EXT1: variants seen among roughly 807,000 people sequenced by gnomAD.
EXT1 encodes the protein exostosin-1.
EXT1 carries 20 observed loss-of-function variants against 82.5 expected under a neutral mutation model. The observed-to-expected ratio is 0.24, with a 90% CI of 0.17 to 0.35. EXT1 has a LOEUF of 0.35. Ranked by LOEUF, EXT1 falls within the 10% of genes least tolerant of loss-of-function variation. The pLI is 1.00. For missense variants in EXT1, 757 were observed against 936.5 expected (o/e 0.81, Z 2.50); for synonymous variants, 348 against 350.8 (o/e 0.99, Z 0.09).
At chr8:118,005,010 T>G (rs151082984) in intron 1 of EXT1, among the ~76,000 whole-genome samples, 3 of 152,158 alleles carry the variant, frequency 2.0e-5, no homozygotes, top group African/African-American at 4.8e-5. Context: ...TGGAAAATGA[T>G]GTTATCATCC....
chr8:117,832,327 C>T (rs916733730), intron 3 of EXT1, among the ~76,000 whole-genome samples: 6 of 151,974 alleles, frequency 3.9e-5, no homozygotes, highest in Non-Finnish European at 5.9e-5. Flanking sequence ...AGTTCAAGAC[C>T]GGCCTGGCCA....
intron 1 of EXT1, among the ~76,000 whole-genome samples, chr8:117,889,731 T>C (rs896915217): frequency 1.3e-5 from 2 of 152,262 alleles, no homozygotes; most frequent in East Asian, 3.9e-4. Flanking sequence ...GAAAACAGTA[T>C]CCAAAAATTA....
Position 117,897,859 on chromosome 8 carries a change from T to G in EXT1, c.963-60658A>C, listed in dbSNP as rs1202095227. The stretch of plus-strand genomic sequence containing the variant: ...CTCAAGCGATCTGCCCTCCTCAGCC[T>G]CCCAAAACGGTCGGATTATAGGCGT... On this transcript the variant is annotated intron_variant, in intron 1 of 10. Coordinates refer to ENST00000378204, the MANE Select transcript of EXT1 (RefSeq NM_000127.3). Among the ~76,000 whole-genome samples the G allele has an allele frequency of 2.0e-5, 3 of 151,904 alleles. No homozygotes were observed. In the East Asian group the frequency reaches 5.8e-4, roughly 29 times the overall value.
intron 1 of EXT1, among the ~76,000 whole-genome samples, chr8:118,072,400 A>G (rs1401702858): frequency 6.6e-6 from 1 of 152,200 alleles, no homozygotes; most frequent in East Asian, 1.9e-4. Context: ...ATAGCACATA[A>G]TCTGCTCTAC....
intron 1 of EXT1, among the ~76,000 whole-genome samples, chr8:118,098,965 T>C (rs2130017125): frequency 6.6e-6 from 1 of 151,106 alleles, no homozygotes. Flanking sequence ...GGTAGACAAG[T>C]TTTCAAATGG....
At chr8:117,848,410 C>A (rs1001045634) in intron 1 of EXT1, among the ~76,000 whole-genome samples, 2 of 152,186 alleles carry the variant, frequency 1.3e-5, no homozygotes, top group African/African-American at 4.8e-5. Context: ...TCCTCCTCCT[C>A]CAGCTGGCCA....
At chr8:118,089,476 CTA>C (rs1817484395) in intron 1 of EXT1, among the ~76,000 whole-genome samples, 1 of 152,152 alleles carries the variant, frequency 6.6e-6, no homozygotes, top group African/African-American at 2.4e-5. Flanking sequence ...AAGAGTATAT[CTA>C]TGCCATGATC....
chr8:117,803,036 A>G (rs543376446), intron 10 of EXT1, among the ~76,000 whole-genome samples: 2 of 152,310 alleles, frequency 1.3e-5, no homozygotes, highest in African/African-American at 2.4e-5. Context: ...ATGTTTTCCA[A>G]TGCCTGTGAG....
At chr8:117,959,660 G>A (rs1563613484) in intron 1 of EXT1, among the ~76,000 whole-genome samples, 1 of 152,202 alleles carries the variant, frequency 6.6e-6, no homozygotes, top group African/African-American at 2.4e-5. Context: ...ACACGTTTGT[G>A]TGATTACACA....
At chr8:117,908,962 T>A (rs1284251368) in intron 1 of EXT1, among the ~76,000 whole-genome samples, 2 of 151,542 alleles carry the variant, frequency 1.3e-5, no homozygotes, top group Non-Finnish European at 2.9e-5. Flanking sequence ...CGAAACCTCA[T>A]CTCTACTAAA....
At chr8:117,991,102 C>A (rs1017856008) in intron 1 of EXT1, among the ~76,000 whole-genome samples, 2 of 151,034 alleles carry the variant, frequency 1.3e-5, no homozygotes, top group Admixed American at 6.6e-5. Flanking sequence ...GTTCTCCAGA[C>A]TTCGATGTCT....
intron 1 of EXT1, among the ~76,000 whole-genome samples, chr8:118,062,859 T>C (rs770710579): frequency 2.0e-5 from 3 of 152,194 alleles, no homozygotes; most frequent in Middle Eastern, 3.2e-3. Flanking sequence ...TAATTTATTC[T>C]GTTTAATGTG....
intron 1 of EXT1, among the ~76,000 whole-genome samples, chr8:117,864,604 C>T (rs1022830685): frequency 6.6e-6 from 1 of 152,010 alleles, no homozygotes; most frequent in Non-Finnish European, 1.5e-5. Flanking sequence ...AAAAAATTAG[C>T]GGGGCATGGT....
At chr8:117,860,439 C>T (rs373062243) in intron 1 of EXT1, among the ~76,000 whole-genome samples, 1 of 152,268 alleles carries the variant, frequency 6.6e-6, no homozygotes, top group African/African-American at 2.4e-5. Flanking sequence ...AAACTGAAAG[C>T]CCAGCCTTCG....
At chr8:117,921,264 C>T (rs897598518) in intron 1 of EXT1, among the ~76,000 whole-genome samples, 1 of 152,094 alleles carries the variant, frequency 6.6e-6, no homozygotes, top group African/African-American at 2.4e-5. Flanking sequence ...AACAGGTGCT[C>T]CTTTTATCTG....
At chr8:117,919,151 A>T (rs985736043) in intron 1 of EXT1, among the ~76,000 whole-genome samples, 2 of 152,114 alleles carry the variant, frequency 1.3e-5, no homozygotes, top group African/African-American at 4.8e-5. Context: ...CTTAACTTTC[A>T]TGCTCATTAA....
chr8:117,977,906 C>T (rs888209129), intron 1 of EXT1, among the ~76,000 whole-genome samples: 2 of 152,188 alleles, frequency 1.3e-5, no homozygotes, highest in African/African-American at 4.8e-5. Context: ...CTAAGGGGAG[C>T]TACGTATTGT....
chr8:118,100,255 G>A (rs938716905), intron 1 of EXT1, among the ~76,000 whole-genome samples: 12 of 152,130 alleles, frequency 7.9e-5, no homozygotes, highest in Non-Finnish European at 1.8e-4. Flanking sequence ...TGGGTCCTGA[G>A]AACTTACGAG....
At chr8:117,850,300 A>C (rs1310846140) in intron 1 of EXT1, among the ~76,000 whole-genome samples, 2 of 152,250 alleles carry the variant, frequency 1.3e-5, no homozygotes, top group African/African-American at 4.8e-5. Context: ...ATAGCTGCTA[A>C]GAGTCAGCTC....
Sources: allele counts gnomAD v4.1 joint callset (sites outside exome capture counted in the v4.1 genomes callset), GRCh38; gene constraint gnomAD v4.1.1; transcripts MANE v1.5; gene names NCBI Gene and HGNC (gene_info 2026-07-23, HGNC 2026-07-21).